The following KHDRBS3 variants were observed in gnomAD, a reference collection of about 807,000 sequenced individuals.
KHDRBS3 encodes the protein KH domain-containing, RNA-binding, signal transduction-associated protein 3.
In KHDRBS3, 23 loss-of-function variants were observed where a neutral mutation model predicts 45.6. The observed-to-expected ratio is 0.50, with a 90% CI of 0.36 to 0.72. The LOEUF is 0.72. Among genes scored for constraint, KHDRBS3 ranks in the 30% least tolerant of loss-of-function variants. KHDRBS3 has a pLI of 0.00. For synonymous variants in KHDRBS3, 162 were observed against 156.5 expected, an observed-to-expected ratio of 1.04 and a Z score of -0.26; for missense variants, 352 against 424.8, an observed-to-expected ratio of 0.83 and a Z score of 1.51.
Position 135,610,136 on chromosome 8 carries a change from TA to T in KHDRBS3, c.890+3102del, listed in dbSNP as rs1829650369. ...ACCAAACTTAAAGCATTTGCCCTAT[TA>T]AATGCTGTGATCTGTCAAGGAGAGT... On this transcript the variant is annotated intron_variant, in intron 7 of 8. Coordinates refer to ENST00000355849, the MANE Select transcript of KHDRBS3 (RefSeq NM_006558.3). 2.0e-5 allele frequency among the ~76,000 whole-genome samples: 3 copies of T among 151,958 alleles called. No individual in the cohort carries two copies. The South Asian group carries it at 6.2e-4, about 31-fold the overall frequency.
intron 1 of KHDRBS3, among the ~76,000 whole-genome samples, chr8:135,494,911 T>C (rs1823357640): frequency 6.6e-6 from 1 of 152,212 alleles, no homozygotes; most frequent in African/African-American, 2.4e-5. Context: ...GACCTTGCCC[T>C]GGGGGTAGAT....
chr8:135,499,758 A>G (rs1823639491), intron 1 of KHDRBS3, among the ~76,000 whole-genome samples: 1 of 152,140 alleles, frequency 6.6e-6, no homozygotes, highest in Non-Finnish European at 1.5e-5. Flanking sequence ...CCCTGCCAGG[A>G]GGGAGGAGGT....
chr8:135,596,504 C>G (rs566359800), intron 6 of KHDRBS3, among the ~76,000 whole-genome samples: 1 of 152,268 alleles, frequency 6.6e-6, no homozygotes, highest in African/African-American at 2.4e-5. Context: ...CCTAGACTTA[C>G]TAATTCCCCT....
chr8:135,641,352 G>A (rs1382265394), intron 7 of KHDRBS3, among the ~76,000 whole-genome samples: 2 of 152,066 alleles, frequency 1.3e-5, no homozygotes, highest in African/African-American at 2.4e-5. Context: ...TTAAACAATT[G>A]GGAACTGTCT....
At chr8:135,640,056 T>C (rs1830996793) in intron 7 of KHDRBS3, among the ~76,000 whole-genome samples, 2 of 152,090 alleles carry the variant, frequency 1.3e-5, no homozygotes, top group South Asian at 4.1e-4. Context: ...CAAGAAACTT[T>C]CAAAGAAGAG....
intron 1 of KHDRBS3, among the ~76,000 whole-genome samples, chr8:135,518,086 A>G (rs756715722): frequency 7.2e-5 from 11 of 152,208 alleles, no homozygotes; most frequent in Non-Finnish European, 1.5e-4. Flanking sequence ...CACAAGGGAA[A>G]ACGTGTGGAA....
chr8:135,559,923 A>G (rs1333898537), intron 5 of KHDRBS3, among the ~76,000 whole-genome samples: 1 of 152,160 alleles, frequency 6.6e-6, no homozygotes, highest in Non-Finnish European at 1.5e-5. Flanking sequence ...AGATAAGTAA[A>G]AAGAGAAACA....
chr8:135,624,554 C>T (rs146334098), intron 7 of KHDRBS3, among the ~76,000 whole-genome samples: 3 of 152,256 alleles, frequency 2.0e-5, no homozygotes, highest in East Asian at 3.9e-4. Context: ...GCAATGATGC[C>T]GCTTGCTTTT....
At chr8:135,559,922 A>T (rs981991449) in intron 5 of KHDRBS3, among the ~76,000 whole-genome samples, 43 of 152,194 alleles carry the variant, frequency 2.8e-4, no homozygotes, top group Non-Finnish European at 6.0e-4. Context: ...TAGATAAGTA[A>T]AAAGAGAAAC....
intron 3 of KHDRBS3, among the ~76,000 whole-genome samples, chr8:135,548,184 A>G (rs10108338): frequency 0.38 from 58,247 of 152,066 alleles, 12,710 homozygotes; most frequent in South Asian, 0.55. Context: ...GAACATCTGT[A>G]TACCAAGCAC....
chr8:135,493,180 C>G (rs56970103), intron 1 of KHDRBS3, among the ~76,000 whole-genome samples: 1 of 151,828 alleles, frequency 6.6e-6, no homozygotes, highest in Admixed American at 6.6e-5. Flanking sequence ...CGGGTTCACA[C>G]CATTCTCCTG....
intron 1 of KHDRBS3, among the ~76,000 whole-genome samples, chr8:135,490,623 A>G (rs1446627867): frequency 6.6e-6 from 1 of 152,236 alleles, no homozygotes; most frequent in African/African-American, 2.4e-5. Flanking sequence ...TGAAAATAAT[A>G]TGACTTATTA....
chr8:135,494,134 A>G (rs938610501), intron 1 of KHDRBS3, among the ~76,000 whole-genome samples: 1 of 151,776 alleles, frequency 6.6e-6, no homozygotes, highest in African/African-American at 2.4e-5. Context: ...TTTTTTTCTT[A>G]ATCAGTCTGG....
At chr8:135,579,013 A>G (rs1326205192) in intron 5 of KHDRBS3, among the ~76,000 whole-genome samples, 1 of 152,172 alleles carries the variant, frequency 6.6e-6, no homozygotes. Context: ...GTAGGAAAGC[A>G]TTTGACTGGT....
At chr8:135,493,346 T>C (rs1269588020) in intron 1 of KHDRBS3, among the ~76,000 whole-genome samples, 1 of 152,134 alleles carries the variant, frequency 6.6e-6, no homozygotes, top group Non-Finnish European at 1.5e-5. Flanking sequence ...AGCATAGATA[T>C]GGTAAAAGAG....
At chr8:135,466,921 C>T (rs547861691) in intron 1 of KHDRBS3, among the ~76,000 whole-genome samples, 199 of 152,368 alleles carry the variant, frequency 1.3e-3, no homozygotes, top group African/African-American at 4.8e-3. Context: ...ATTCCCTCAT[C>T]TGCACATGGC....
chr8:135,593,491 T>C (rs1828839287), intron 6 of KHDRBS3: 1 of 152,284 alleles, frequency 6.6e-6, no homozygotes, highest in Non-Finnish European at 1.5e-5. Context: ...CAGTATATTT[T>C]GGTTGAGACA....
intron 1 of KHDRBS3, among the ~76,000 whole-genome samples, chr8:135,505,676 G>A (rs537439757): frequency 1.4e-4 from 22 of 152,236 alleles, no homozygotes; most frequent in African/African-American, 5.3e-4. Flanking sequence ...AAGGCTGGAG[G>A]AGCAAAAGAA....
intron 1 of KHDRBS3, among the ~76,000 whole-genome samples, chr8:135,470,705 C>T (rs1821974389): frequency 6.6e-6 from 1 of 151,956 alleles, no homozygotes; most frequent in Admixed American, 6.6e-5. Context: ...CCTGCCTCAG[C>T]CTCCCAAGTA....
Sources: allele counts gnomAD v4.1 joint callset (sites outside exome capture counted in the v4.1 genomes callset), GRCh38; gene constraint gnomAD v4.1.1; transcripts MANE v1.5; gene names NCBI Gene and HGNC (gene_info 2026-07-23, HGNC 2026-07-21).